The following CPNE1 variants were observed in gnomAD, a reference collection of about 807,000 sequenced individuals.
CPNE1 encodes copine 1.
In CPNE1, 58 loss-of-function variants were observed where a neutral mutation model predicts 63.2. That is an observed-to-expected ratio of 0.92 (90% CI 0.74 to 1.14). The LOEUF (loss-of-function observed/expected upper bound fraction) is 1.14, where lower values mean the gene tolerates loss of function less well. Among genes scored for constraint, CPNE1 ranks in the 50% most tolerant of loss-of-function variants. The pLI is 0.00. For missense variants in CPNE1, 672 were observed against 661.7 expected (o/e 1.02, Z -0.17); for synonymous variants, 237 against 249.0 (o/e 0.95, Z 0.45).
At position 35,626,248 on chromosome 20, in the gene CPNE1, T is replaced by TG. The variant is rs762726793; in HGVS notation, c.1606dup (p.Gln536ProfsTer34). On this transcript the variant is annotated frameshift_variant, in exon 16 of 16. Coordinates refer to ENST00000397443, the MANE Select transcript of CPNE1 (RefSeq NM_152925.3). LOFTEE classifies it high-confidence loss of function. ...CACAGCCTCCAAGGGAACCTAGGCC[T>TG]GGGGGGCCTGTGCAGGATCCTTGGC... The TG allele has an allele frequency of 6.2e-6, 10 of 1,614,034 alleles. No individual in the cohort carries two copies. The highest frequency in any genetic ancestry group is 8.5e-6 in the Non-Finnish European group (10 of 1,179,970).
intron 1 of CPNE1, among the ~76,000 whole-genome samples, chr20:35,640,925 CCT>C (rs897046893): frequency 3.2e-4 from 48 of 152,286 alleles, no homozygotes; most frequent in East Asian, 9.6e-4. Context: ...GTCCCCACCC[CCT>C]GACCCTTCCA....
At chr20:35,640,451 T>C (rs1253257006) in intron 1 of CPNE1, among the ~76,000 whole-genome samples, 3 of 152,000 alleles carry the variant, frequency 2.0e-5, no homozygotes, top group Non-Finnish European at 4.4e-5. Flanking sequence ...TTTGAGTCAA[T>C]AAAAAAAATT....
intron 1 of CPNE1, among the ~76,000 whole-genome samples, chr20:35,656,091 AG>A (rs1319061434): frequency 6.6e-6 from 1 of 152,228 alleles, no homozygotes; most frequent in African/African-American, 2.4e-5. Flanking sequence ...TACCCCCAAA[AG>A]TAGAACCTGG....
intron 1 of CPNE1, among the ~76,000 whole-genome samples, chr20:35,640,453 A>G (rs1235375225): frequency 6.6e-6 from 1 of 152,068 alleles, no homozygotes; most frequent in Non-Finnish European, 1.5e-5. Flanking sequence ...TGAGTCAATA[A>G]AAAAAATTTG....
At chr20:35,658,745 G>A (rs567574740) in intron 1 of CPNE1, among the ~76,000 whole-genome samples, 57 of 151,706 alleles carry the variant, frequency 3.8e-4, no homozygotes, top group African/African-American at 1.4e-3. Flanking sequence ...GGGCAACAGA[G>A]TCTAGCCTGG....
In CPNE1 at chr20:35,632,685, A is replaced by G. The variant is rs2032243649; in HGVS notation, c.141T>C (p.Thr47=). Residue 47 remains threonine, a synonymous_variant, in exon 3 of 16, where the codon ACT becomes ACC. Coordinates refer to ENST00000397443, the MANE Select transcript of CPNE1 (RefSeq NM_152925.3). Reference sequence around the variant, plus strand: ...GGCTTGAGCAGTTCCGCACCCGTTCAGTCCGGCCAAGCTGTGGGCAGAGGC... The same window carrying G: ...GGCTTGAGCAGTTCCGCACCCGTTCGGTCCGGCCAAGCTGTGGGCAGAGGC... ...GGGSWAELGR[T]ERVRNCSSPE... is the part of the protein sequence containing the mutation. 1 of 1,042,248 alleles carries G rather than the reference A, an allele frequency of 9.6e-7. No individual in the cohort carries two copies. The allele number at this position is 1,042,248 out of a possible 1,614,324, so 64.6% of individuals were successfully genotyped here.
chr20:35,631,145 T>A lies in CPNE1; in HGVS notation c.830A>T (p.Tyr277Phe). 1 of 1,614,144 alleles carries A rather than the reference T, an allele frequency of 6.2e-7. No homozygotes were observed. The stretch of plus-strand genomic sequence containing the variant: ...GTTGATCTGACAGCCTCCCATCACA[T>A]AGTCCAGAAAGGAGTACTCTGTTTC... ...RVETEYSFLDYVMGGCQINFT... is the reference protein window; with the variant it reads ...RVETEYSFLDFVMGGCQINFT... The change falls in exon 10 of 16, where the codon TAT becomes TTT. Residue 277 changes from tyrosine to phenylalanine, a missense_variant. Physicochemically the swap from Tyr to Phe is conservative, Grantham distance 22. Transcript: ENST00000397443.
At chr20:35,658,802 AAC>A (rs10542710) in intron 1 of CPNE1, 204,650 of 469,288 alleles carry the variant, frequency 0.44, 26,592 homozygotes, top group Admixed American at 0.51. Context: ...AGCAAACAAA[AAC>A]ACACACACAC....
chr20:35,662,230 A>C (rs942641842), intron 1 of CPNE1, among the ~76,000 whole-genome samples: 2 of 152,192 alleles, frequency 1.3e-5, no homozygotes, highest in Non-Finnish European at 2.9e-5. Context: ...ATATTAAGTT[A>C]TGTTTCAATC....
chr20:35,658,972 C>T, intron 1 of CPNE1: 1 of 717,084 alleles, frequency 1.4e-6, no homozygotes, highest in Non-Finnish European at 2.6e-6. Flanking sequence ...GAAGTAGAGG[C>T]CAAGTCAATC....
At chr20:35,639,829 G>A (rs2032704999) in intron 1 of CPNE1, among the ~76,000 whole-genome samples, 1 of 152,174 alleles carries the variant, frequency 6.6e-6, no homozygotes, top group African/African-American at 2.4e-5. Context: ...ACGTGTAGTG[G>A]GCTACTATTA....
intron 1 of CPNE1, among the ~76,000 whole-genome samples, chr20:35,644,636 C>G (rs942592938): frequency 1.6e-4 from 25 of 152,180 alleles, no homozygotes; most frequent in African/African-American, 5.8e-4. Flanking sequence ...CGAACCGATT[C>G]TGAGAATGTT....
In CPNE1 at chr20:35,629,654, C is replaced by A. The variant is rs541130830; in HGVS notation, c.1102+785G>T. On this transcript the variant is annotated intron_variant, in intron 13 of 15. Coordinates refer to ENST00000397443, the MANE Select transcript of CPNE1 (RefSeq NM_152925.3). The stretch of plus-strand genomic sequence containing the variant: ...CAACCTGCCCCAAGTCATGTGGCAT[C>A]ATTTTTTTTTTTTTTTGAGATAGGT... Among the ~76,000 whole-genome samples, 57 of 149,504 alleles carry A rather than the reference C, an allele frequency of 3.8e-4. No homozygotes were observed. The East Asian group carries it at 7.3e-3, about 19-fold the overall frequency.
Position 35,626,068 on chromosome 20 carries a change from A to G in CPNE1, c.*173T>C. 3 of 718,350 alleles carry G rather than the reference A, an allele frequency of 4.2e-6. No individual in the cohort carries two copies. Among genetic ancestry groups the G allele is most frequent in the Non-Finnish European group, 7.4e-6 (3 of 405,802 alleles). The allele number at this position is 718,350 out of a possible 1,614,324, so 44.5% of individuals were successfully genotyped here. A position where few individuals can be genotyped will look rare whatever the true frequency, so the allele number is the denominator to read the frequency against. ...ATTGGTCTTCACTGGTCTTTATTGA[A>G]TGAGGGTTGTCAGGAGCAAAGGTGG... On this transcript the variant is annotated 3_prime_UTR_variant, in exon 16 of 16. Transcript: ENST00000397443.
At chr20:35,634,467 G>A (rs999775786) in intron 1 of CPNE1, among the ~76,000 whole-genome samples, 7 of 151,642 alleles carry the variant, frequency 4.6e-5, no homozygotes, top group Non-Finnish European at 1.0e-4. Context: ...GGTGGTGGGC[G>A]CCTGTAATCC....
intron 1 of CPNE1, among the ~76,000 whole-genome samples, chr20:35,644,857 C>T (rs1178884333): frequency 2.6e-5 from 4 of 152,150 alleles, no homozygotes; most frequent in African/African-American, 9.7e-5. Flanking sequence ...TCCACATTTA[C>T]AGGAGTTGAT....
intron 1 of CPNE1, among the ~76,000 whole-genome samples, chr20:35,645,236 C>T (rs755729193): frequency 2.6e-5 from 4 of 152,168 alleles, no homozygotes; most frequent in Non-Finnish European, 5.9e-5. Flanking sequence ...AAGCCCCTTA[C>T]CCTTCACTGG....
intron 1 of CPNE1, among the ~76,000 whole-genome samples, chr20:35,658,368 T>C (rs1401729684): frequency 6.6e-6 from 1 of 152,038 alleles, no homozygotes. Context: ...ATCAGGAAAA[T>C]CACAAGATAA....
intron 1 of CPNE1, chr20:35,652,328 A>T: frequency 1.7e-6 from 1 of 594,110 alleles, no homozygotes; most frequent in Non-Finnish European, 2.9e-6. Flanking sequence ...AGATAGCTTT[A>T]CTGTAACATA....
Sources: allele counts gnomAD v4.1 joint callset (sites outside exome capture counted in the v4.1 genomes callset), GRCh38; gene constraint gnomAD v4.1.1; transcripts MANE v1.5; gene names NCBI Gene and HGNC (gene_info 2026-07-23, HGNC 2026-07-21).